The following NEB variants were observed in gnomAD, a reference collection of about 807,000 sequenced individuals.
NEB encodes nebulin.
Under a neutral mutation model 952.2 loss-of-function variants are expected in NEB, and 512 were observed. The observed-to-expected ratio is 0.54, with a 90% CI of 0.50 to 0.58. The LOEUF (loss-of-function observed/expected upper bound fraction) is 0.58. Ranked by LOEUF, NEB falls within the 20% of genes least tolerant of loss-of-function variation. The probability of loss-of-function intolerance (pLI) is 0.00; values close to 1 mark genes in which losing one functional copy is unlikely to be tolerated. For missense variants in NEB, 8,428 were observed against 9,231.1 expected (o/e 0.91, Z 3.56); for synonymous variants, 2,900 against 3,149.8 (o/e 0.92, Z 2.66).
At chr2:151,698,289 A>C (rs1254303715) in intron 13 of NEB, among the ~76,000 whole-genome samples, 1 of 152,190 alleles carries the variant, frequency 6.6e-6, no homozygotes, top group African/African-American at 2.4e-5. Context: ...TATACAATTC[A>C]ATGGATTTTA....
Position 151,665,485 on chromosome 2 carries a change from T to C in NEB, c.5086A>G (p.Ile1696Val), listed in dbSNP as rs759269094. ...GCCTTCTCCACCTCCAGGGACTCTA[T>C]GGGCACCCAGCCGATCCCTTTCATC... Reference protein sequence around the residue: ...NWMKGIGWVPIESLEVEKAKK... With the variant: ...NWMKGIGWVPVESLEVEKAKK... Residue 1696 changes from isoleucine to valine, a missense_variant, in exon 42 of 182, where the codon ATA becomes GTA. Physicochemically the swap from Ile to Val is conservative, Grantham distance 29. Coordinates refer to ENST00000397345, the MANE Select transcript of NEB (RefSeq NM_001164508.2). 99 of 1,612,592 alleles carry C rather than the reference T, an allele frequency of 6.1e-5. No homozygotes were observed. Among genetic ancestry groups the C allele is most frequent in the East Asian group, 3.1e-4 (14 of 44,878 alleles).
At chr2:151,617,266 G>T in intron 75 of NEB, 98 bp downstream of exon 75, 1 of 715,746 alleles carries the variant, frequency 1.4e-6, no homozygotes, top group Non-Finnish European at 2.3e-6. Context: ...GTAGTTTGTA[G>T]TATGTGTAGT....
At chr2:151,514,482 C>T in intron 158 of NEB, 54 bp from the exon 159 acceptor site, 1 of 1,342,388 alleles carries the variant, frequency 7.4e-7, no homozygotes, top group South Asian at 1.2e-5. Flanking sequence ...GATTGATTCT[C>T]TCAGGCAAAG....
chr2:151,625,644 A>T lies in NEB; in HGVS notation c.10348-6T>A, dbSNP rs749468828. 6.4e-7 allele frequency: 1 copy of T among 1,552,578 alleles called. No individual in the cohort carries two copies. Among genetic ancestry groups the T allele is most frequent in the Non-Finnish European group, 8.8e-7 (1 of 1,140,372 alleles). ...CAGGCTTCTGTGTATAAGCGCTGTG[A>T]AGGATAAAAAGGTTAATGAATTAGA... On this transcript the variant is annotated splice_region_variant and splice_polypyrimidine_tract_variant and intron_variant, in intron 70 of 181. Transcript: ENST00000397345.
chr2:151,509,191 T>C (rs2071891491), intron 161 of NEB, among the ~76,000 whole-genome samples: 1 of 152,196 alleles, frequency 6.6e-6, no homozygotes, highest in Non-Finnish European at 1.5e-5. Flanking sequence ...ATGAGAGATG[T>C]AGGCCTAGAT....
chr2:151,700,295 T>C (rs1393353244), intron 13 of NEB, among the ~76,000 whole-genome samples: 42 of 76,042 alleles, frequency 5.5e-4, no homozygotes, highest in African/African-American at 1.3e-3. Context: ...AGTCAGGTAG[T>C]GTGATGCCTC....
At chr2:151,659,694 A>T (rs1476475739) in intron 46 of NEB, among the ~76,000 whole-genome samples, 1 of 152,234 alleles carries the variant, frequency 6.6e-6, no homozygotes, top group African/African-American at 2.4e-5. Context: ...CTTATCTTAC[A>T]GCATGAAGGT....
intron 105 of NEB, among the ~76,000 whole-genome samples, chr2:151,578,939 G>A (rs934220627): frequency 5.3e-5 from 8 of 150,668 alleles, no homozygotes; most frequent in Non-Finnish European, 1.0e-4. Flanking sequence ...AAAATCAGCT[G>A]GGTGTGGTGC....
intron 32 of NEB, among the ~76,000 whole-genome samples, chr2:151,679,487 A>T (rs2099398579): frequency 6.6e-6 from 1 of 152,228 alleles, no homozygotes; most frequent in South Asian, 2.1e-4. Flanking sequence ...AGAACTATAC[A>T]TGAGAATTTT....
chr2:151,642,579 T>C lies in NEB; in HGVS notation c.8368A>G (p.Ser2790Gly). ...KAAKASRDIA[S>G]EFKYKEGYRK... ...AACTTTCCAAGTATACTTACTTCAC[T>C]TGCAATATCTCTGGAGGCCTTGGCT... The change falls in exon 60 of 182, where the codon AGT becomes GGT. Residue 2790 changes from serine to glycine, a missense_variant. Coordinates refer to ENST00000397345, the MANE Select transcript of NEB (RefSeq NM_001164508.2). 1 of 1,610,012 alleles carries C rather than the reference T, an allele frequency of 6.2e-7. No individual in the cohort carries two copies. The highest frequency in any genetic ancestry group is 8.5e-7 in the Non-Finnish European group (1 of 1,177,610).
intron 124 of NEB, among the ~76,000 whole-genome samples, chr2:151,557,277 A>G (rs2095713263): frequency 6.6e-6 from 1 of 152,232 alleles, no homozygotes; most frequent in African/African-American, 2.4e-5. Flanking sequence ...GAAGAAATGG[A>G]TAAATTCCTG....
chr2:151,692,525 C>CTCA, intron 20 of NEB, 163 bp from the exon 21 acceptor site: 1 of 678,864 alleles, frequency 1.5e-6, no homozygotes, highest in South Asian at 1.6e-5. Flanking sequence ...GTGGTAGAGG[C>CTCA]TCATGCCTTA....
At position 151,492,167 on chromosome 2, in the gene NEB, G is replaced by C; in HGVS notation, c.24988C>G (p.Arg8330Gly). The C allele has an allele frequency of 1.2e-6, 2 of 1,613,730 alleles. No individual in the cohort carries two copies. Among genetic ancestry groups the C allele is most frequent in the Non-Finnish European group, 1.7e-6 (2 of 1,179,852 alleles). ...TCTACCACTTTCCTCTGAATACCTC[G>C]GTAGTTAATGTCACTGAAGTCCTGC... ...NMQDFSDINY[R>G]GIQRKVVEME... The change falls in exon 178 of 182, where the codon CGA becomes GGA. Residue 8330 changes from arginine (R) to glycine (G), a missense_variant. Physicochemically the swap from Arg to Gly is moderately radical, Grantham distance 125. Around this residue, in one of 11 missense-constraint regions of NEB, gnomAD observed 3,374 missense variants for 3,651.5 expected, o/e 0.92. Coordinates refer to ENST00000397345, the MANE Select transcript of NEB (RefSeq NM_001164508.2).
At chr2:151,705,743 G>A (rs1046001934) in intron 13 of NEB, among the ~76,000 whole-genome samples, 2 of 152,194 alleles carry the variant, frequency 1.3e-5, no homozygotes, top group Admixed American at 6.5e-5. Context: ...ACTCAGCCAT[G>A]AAAATGAATG....
chr2:151,581,399 T>G, intron 103 of NEB, 84 bp downstream of exon 103: 1 of 392,634 alleles, frequency 2.5e-6, no homozygotes, highest in Non-Finnish European at 4.3e-6. Flanking sequence ...AAATGCCTTT[T>G]GACAAACTCT....
At position 151,541,427 on chromosome 2, in the gene NEB, T is replaced by C; in HGVS notation, c.20682+20A>G. ...CCCCTGTGATGCCTGAGTGGCAGGC[T>C]TATGAACCTCTGAGCTTACCTGACT... On this transcript the variant is annotated intron_variant, in intron 136 of 181. Coordinates refer to ENST00000397345, the MANE Select transcript of NEB (RefSeq NM_001164508.2). The C allele has an allele frequency of 6.3e-7, 1 of 1,590,496 alleles. No homozygotes were observed. Among genetic ancestry groups the C allele is most frequent in the African/African-American group, 1.3e-5 (1 of 74,452 alleles).
intron 62 of NEB, 130 bp downstream of exon 62, chr2:151,639,727 G>A: frequency 2.7e-6 from 2 of 736,150 alleles, no homozygotes; most frequent in East Asian, 2.7e-5. Flanking sequence ...TAGATGAGAA[G>A]CCAATAGATA....
chr2:151,656,169 T>C lies in NEB; in HGVS notation c.6479A>G (p.Asn2160Ser), dbSNP rs774148469. 2.2e-5 allele frequency: 35 copies of C among 1,595,766 alleles called. No individual in the cohort carries two copies. The highest frequency in any genetic ancestry group is 3.4e-5 in the Admixed American group (2 of 59,150). Residue 2160 changes from asparagine (N) to serine (S), a missense_variant, in exon 49 of 182, where the codon AAT (asparagine) becomes AGT (serine). This residue lies in a region of NEB where 2,851 missense variants were observed against 2,791.5 expected (regional missense o/e 1.02). Transcript: ENST00000397345. ...AAGCCTTACATCACTCTGTATGCGA[T>C]TCATATTCCTGGTCAGCTCAATGTT... is the stretch of plus-strand genomic sequence containing the variant. ...AMNIELTRNMNRIQSDNEYKQ... is the reference protein window; with the variant it reads ...AMNIELTRNMSRIQSDNEYKQ...
intron 124 of NEB, 147 bp from the exon 125 acceptor site, chr2:151,555,191 C>G: frequency 1.6e-6 from 1 of 629,218 alleles, no homozygotes; most frequent in Non-Finnish European, 2.8e-6. Context: ...ATTTCCCCAC[C>G]TGTACAGAGA....
Sources: allele counts gnomAD v4.1 joint callset (sites outside exome capture counted in the v4.1 genomes callset), GRCh38; gene constraint gnomAD v4.1.1; regional missense constraint gnomAD v4.1.1; transcripts MANE v1.5; gene names NCBI Gene and HGNC (gene_info 2026-07-23, HGNC 2026-07-21).